The following BLZF1 variants were observed in gnomAD, a reference collection of about 807,000 sequenced individuals.
BLZF1 encodes golgin-45.
Under a neutral mutation model 43.8 loss-of-function variants are expected in BLZF1, and 39 were observed. The observed-to-expected ratio is 0.89, with a 90% CI of 0.69 to 1.16. The LOEUF is 1.16. BLZF1 is among the 50% of genes most tolerant of loss of function. The probability of loss-of-function intolerance (pLI) is 0.00; values close to 1 mark genes in which losing one functional copy is unlikely to be tolerated. For synonymous variants in BLZF1, 136 were observed against 159.4 expected, an observed-to-expected ratio of 0.85 and a Z score of 1.11; for missense variants, 449 against 469.8, an observed-to-expected ratio of 0.96 and a Z score of 0.41.
At position 169,380,583 on chromosome 1, in the gene BLZF1, T is replaced by G. The variant is rs760023199; in HGVS notation, c.771T>G (p.Phe257Leu). Residue 257 changes from phenylalanine to leucine, a missense_variant, in exon 5 of 7, where the codon TTT (phenylalanine) becomes TTG (leucine). Phe to Leu is a conservative substitution (Grantham distance 22). Transcript: ENST00000367808. ...IQDLLSEREQ[F>L]RQEMIATQKL... ...ATCTCCTAAGTGAACGGGAACAGTT[T>G]CGTCAAGAAATGATAGCTACCCAGA... 1 of 1,612,774 alleles carries G rather than the reference T, an allele frequency of 6.2e-7. No homozygotes were observed.
In BLZF1 at chr1:169,376,434, A is replaced by G. The variant is rs991764218; in HGVS notation, c.29-106A>G. ...ACTTTTTCTCTGATTTTTTTTTTGC[A>G]TTCTTTTTAGTGCCAGTAATTTTGA... On this transcript the variant is annotated intron_variant, in intron 2 of 6. Coordinates refer to ENST00000367808, the MANE Select transcript of BLZF1 (RefSeq NM_001320973.2). 26 of 934,088 alleles carry G rather than the reference A, an allele frequency of 2.8e-5. No homozygotes were observed. The South Asian group carries it at 6.7e-4, about 24-fold the overall frequency. The allele number at this position is 934,088 out of a possible 1,614,324, so 57.9% of individuals were successfully genotyped here. A position where few individuals can be genotyped will look rare whatever the true frequency, so the allele number is the denominator to read the frequency against.
At chr1:169,379,194 G>C (rs768843566) in intron 4 of BLZF1, among the ~76,000 whole-genome samples, 3 of 151,920 alleles carry the variant, frequency 2.0e-5, no homozygotes, top group Non-Finnish European at 2.9e-5. Flanking sequence ...ATACTTTATA[G>C]AGTATGTTTC....
At chr1:169,395,242 C>G (rs1319861229) in intron 7 of BLZF1, 1 of 1,567,664 alleles carries the variant, frequency 6.4e-7, no homozygotes, top group East Asian at 2.3e-5. Context: ...TGGTGAGTAT[C>G]AACCTGAATA....
Position 169,373,009 on chromosome 1 carries a change from A to G in BLZF1, c.28+3459A>G, listed in dbSNP as rs150216292. Among the ~76,000 whole-genome samples the G allele has an allele frequency of 6.2e-3, 950 of 152,216 alleles. 10 individuals are homozygous for G. The highest frequency in any genetic ancestry group is 0.022 in the African/African-American group (896 of 41,536). ...TTTCAATTATTGTTGTTATAGTTTG[A>G]ATTTCATCAATAAATTTTTTTTCTC... On this transcript the variant is annotated intron_variant, in intron 2 of 6. Coordinates refer to ENST00000367808, the MANE Select transcript of BLZF1 (RefSeq NM_001320973.2).
Position 169,369,568 on chromosome 1 carries a change from A to G in BLZF1, c.28+18A>G. On this transcript the variant is annotated intron_variant, in intron 2 of 6. Coordinates refer to ENST00000367808, the MANE Select transcript of BLZF1 (RefSeq NM_001320973.2). ...AACCAAAGGTAAGTGGCTTTTTTAT[A>G]ATTGTTTTTAAAACATGACATTTAT... is the stretch of plus-strand genomic sequence containing the variant. 6.3e-7 allele frequency: 1 copy of G among 1,576,446 alleles called. No individual in the cohort carries two copies. The highest frequency in any genetic ancestry group is 8.7e-7 in the Non-Finnish European group (1 of 1,147,802).
intron 7 of BLZF1, chr1:169,394,836 A>G (rs990975929): frequency 3.2e-5 from 12 of 370,000 alleles, no homozygotes; most frequent in Non-Finnish European, 5.2e-5. Context: ...TCGTTGTTCA[A>G]TTTGTTGCAC....
At chr1:169,377,238 A>G (rs1654387831) in intron 3 of BLZF1, 1 of 442,692 alleles carries the variant, frequency 2.3e-6, no homozygotes, top group Non-Finnish European at 4.0e-6. Flanking sequence ...TTGTAAAAGT[A>G]GGTTACAATT....
chr1:169,386,868 C>T (rs1178169632), intron 6 of BLZF1, 129 bp from the exon 7 acceptor site: 2 of 606,176 alleles, frequency 3.3e-6, no homozygotes, highest in Non-Finnish European at 5.5e-6. Context: ...TCAGATTAGT[C>T]ATTCTGTTTT....
At chr1:169,380,844 T>TA (rs1654503029) in intron 5 of BLZF1, among the ~76,000 whole-genome samples, 1 of 152,086 alleles carries the variant, frequency 6.6e-6, no homozygotes, top group African/African-American at 2.4e-5. Context: ...GTTATATCTG[T>TA]AGTAGAAGGA....
chr1:169,382,280 C>A lies in BLZF1; in HGVS notation c.1016C>A (p.Thr339Lys). The A allele has an allele frequency of 6.2e-7, 1 of 1,611,772 alleles. No homozygotes were observed. Among genetic ancestry groups the A allele is most frequent in the Non-Finnish European group, 8.5e-7 (1 of 1,178,468 alleles). The change falls in exon 6 of 7, where the codon ACG becomes AAG. Residue 339 changes from threonine (T) to lysine (K), a missense_variant and splice_region_variant. Transcript: ENST00000367808. ...CSTPAEKMAETVLRILDPVTC... is the reference protein window; with the variant it reads ...CSTPAEKMAEKVLRILDPVTC... ...ACCCCAGCTGAGAAAATGGCTGAAACGGTAAAATATTTTCTTTTGTGATCT... is the reference window on the plus strand; with the variant it reads ...ACCCCAGCTGAGAAAATGGCTGAAAAGGTAAAATATTTTCTTTTGTGATCT...
intron 2 of BLZF1, among the ~76,000 whole-genome samples, chr1:169,373,907 C>T (rs1654209344): frequency 6.6e-6 from 1 of 152,066 alleles, no homozygotes; most frequent in Non-Finnish European, 1.5e-5. Context: ...ATTTCCTCAG[C>T]CTCAGTGGGC....
Position 169,387,313 on chromosome 1 carries a change from T to C in BLZF1, c.*131T>C. 1.3e-6 allele frequency: 1 copy of C among 765,650 alleles called. No homozygotes were observed. The highest frequency in any genetic ancestry group is 2.0e-6 in the Non-Finnish European group (1 of 492,896). The allele number at this position is 765,650 out of a possible 1,614,324, so 47.4% of individuals were successfully genotyped here. The stretch of plus-strand genomic sequence containing the variant: ...TTTACATAATGTATACACCCAAAGA[T>C]ATTTTATGTACTAGACTCCAGATTA... On this transcript the variant is annotated 3_prime_UTR_variant, in exon 7 of 7. Coordinates refer to ENST00000367808, the MANE Select transcript of BLZF1 (RefSeq NM_001320973.2).
chr1:169,380,407 C>A, intron 4 of BLZF1, 74 bp from the exon 5 acceptor site: 1 of 1,369,248 alleles, frequency 7.3e-7, no homozygotes. Flanking sequence ...GTGACAGTCA[C>A]AAAGTAGTAT....
rs759413842 is a variant in BLZF1, at chr1:169,382,149, A to C, written c.885A>C (p.Leu295=). 1 of 1,613,828 alleles carries C rather than the reference A, an allele frequency of 6.2e-7. No homozygotes were observed. The highest frequency in any genetic ancestry group is 1.3e-5 in the African/African-American group (1 of 74,934). The change falls in exon 6 of 7, where the codon CTA becomes CTC. Residue 295 remains leucine (L), a synonymous_variant. Coordinates refer to ENST00000367808, the MANE Select transcript of BLZF1 (RefSeq NM_001320973.2). ...PSVQPHSTAE[L]ALTNHKLAKA... ...TACAACCCCACAGCACAGCAGAGCT[A>C]GCATTAACAAATCACAAGTTGGCAA...
At chr1:169,373,553 C>T (rs559990295) in intron 2 of BLZF1, among the ~76,000 whole-genome samples, 2 of 152,172 alleles carry the variant, frequency 1.3e-5, no homozygotes, top group Non-Finnish European at 2.9e-5. Flanking sequence ...TACCTATGCA[C>T]ATTAGCTAGA....
chr1:169,373,023 AT>A (rs1654175284), intron 2 of BLZF1, among the ~76,000 whole-genome samples: 1 of 151,942 alleles, frequency 6.6e-6, no homozygotes, highest in African/African-American at 2.4e-5. Context: ...TCATCAATAA[AT>A]TTTTTTTCTC....
At chr1:169,384,598 G>A (rs986225438) in intron 6 of BLZF1, among the ~76,000 whole-genome samples, 4 of 152,128 alleles carry the variant, frequency 2.6e-5, no homozygotes, top group Non-Finnish European at 5.9e-5. Context: ...TTCCAGCAGG[G>A]TTTAACCACT....
chr1:169,393,745 G>A (rs1654878398), intron 7 of BLZF1, among the ~76,000 whole-genome samples: 1 of 151,932 alleles, frequency 6.6e-6, no homozygotes. Context: ...GGGACTACAG[G>A]TGCATGGCAC....
chr1:169,372,084 C>A (rs1330064672), intron 2 of BLZF1, among the ~76,000 whole-genome samples: 2 of 152,144 alleles, frequency 1.3e-5, no homozygotes, highest in African/African-American at 4.8e-5. Context: ...TCCATAGAGC[C>A]TGTGGTAAGA....
Sources: allele counts gnomAD v4.1 joint callset (sites outside exome capture counted in the v4.1 genomes callset), GRCh38; gene constraint gnomAD v4.1.1; transcripts MANE v1.5; gene names NCBI Gene and HGNC (gene_info 2026-07-23, HGNC 2026-07-21).